Variants in ASTN2 observed in about 807,000 individuals in gnomAD.
The protein encoded by ASTN2 is astrotactin 2.
Under a neutral mutation model 139.8 loss-of-function variants are expected in ASTN2, and 54 were observed. That is an observed-to-expected ratio of 0.39 (90% confidence interval 0.31 to 0.48). The LOEUF (loss-of-function observed/expected upper bound fraction) is 0.48. Among genes scored for constraint, ASTN2 ranks in the 20% least tolerant of loss-of-function variants. The pLI, the probability that ASTN2 is intolerant of heterozygous loss-of-function variation, is 0.95. For missense variants in ASTN2, 1,565 were observed against 1,725.1 expected (o/e 0.91, Z 1.64); for synonymous variants, 756 against 719.5 (o/e 1.05, Z -0.81).
chr9:116,562,511 C>A (rs565639214), intron 19 of ASTN2, among the ~76,000 whole-genome samples: 2 of 151,378 alleles, frequency 1.3e-5, no homozygotes, highest in Admixed American at 6.6e-5. Flanking sequence ...CCTAGGCGGG[C>A]GGATCACCTG....
At chr9:117,011,421 T>C (rs943554214) in intron 6 of ASTN2, among the ~76,000 whole-genome samples, 3 of 152,172 alleles carry the variant, frequency 2.0e-5, no homozygotes, top group Non-Finnish European at 2.9e-5. Flanking sequence ...CAGGGAGAAG[T>C]GGCCATTTGT....
intron 19 of ASTN2, among the ~76,000 whole-genome samples, chr9:116,574,665 T>G (rs1853652839): frequency 6.6e-6 from 1 of 152,204 alleles, no homozygotes. Context: ...TTTTCTCCTT[T>G]CAATAAGTCA....
chr9:116,748,143 G>A (rs987992226), intron 13 of ASTN2, among the ~76,000 whole-genome samples: 1 of 152,282 alleles, frequency 6.6e-6, no homozygotes, highest in Non-Finnish European at 1.5e-5. Flanking sequence ...AACATTACTA[G>A]GCATTTTTCT....
Position 117,006,404 on chromosome 9 carries a change from A to G in ASTN2, c.1591+1688T>C, listed in dbSNP as rs1301494371. On this transcript the variant is annotated intron_variant, in intron 7 of 22. Coordinates refer to ENST00000313400, the MANE Select transcript of ASTN2 (RefSeq NM_001365068.1). ...TGTTCAGACTGAAAAATTTGGGATA[A>G]TCTTTGACTCCACTCTATTTCTTGC... 2.0e-5 allele frequency among the ~76,000 whole-genome samples: 3 copies of G among 152,252 alleles called. No homozygotes were observed. The East Asian group carries it at 5.8e-4, about 29-fold the overall frequency.
chr9:116,628,644 C>T (rs1257108147), intron 17 of ASTN2, among the ~76,000 whole-genome samples: 1 of 152,170 alleles, frequency 6.6e-6, no homozygotes, highest in East Asian at 1.9e-4. Flanking sequence ...TGATAAGATA[C>T]TGGTGTATAC....
intron 20 of ASTN2, among the ~76,000 whole-genome samples, chr9:116,465,519 G>C (rs981175968): frequency 6.6e-6 from 1 of 152,160 alleles, no homozygotes; most frequent in South Asian, 2.1e-4. Flanking sequence ...GACATAAAAG[G>C]GGGGAAGAGT....
chr9:117,398,559 C>T (rs1045134126), intron 1 of ASTN2, among the ~76,000 whole-genome samples: 1 of 152,106 alleles, frequency 6.6e-6, no homozygotes. Context: ...ATCTCTGTGC[C>T]GCCTGCAAGA....
chr9:117,094,878 G>A (rs79539558), intron 5 of ASTN2, among the ~76,000 whole-genome samples: 9 of 152,194 alleles, frequency 5.9e-5, no homozygotes, highest in Admixed American at 2.0e-4. Context: ...GGTACAGCTT[G>A]TAGATGAAAA....
chr9:117,373,204 G>T (rs1830033275), intron 1 of ASTN2, among the ~76,000 whole-genome samples: 1 of 152,146 alleles, frequency 6.6e-6, no homozygotes, highest in Non-Finnish European at 1.5e-5. Flanking sequence ...ATTTACAGAT[G>T]CAGAAATTAT....
At chr9:117,310,772 G>A (rs1178753629) in intron 1 of ASTN2, among the ~76,000 whole-genome samples, 8 of 152,060 alleles carry the variant, frequency 5.3e-5, no homozygotes, top group Admixed American at 3.3e-4. Context: ...CTACAAGCAC[G>A]CGCCACCACA....
At chr9:116,511,782 T>G (rs908592179) in intron 19 of ASTN2, among the ~76,000 whole-genome samples, 2 of 152,184 alleles carry the variant, frequency 1.3e-5, no homozygotes, top group East Asian at 3.8e-4. Context: ...TTTTCTAGTT[T>G]ATTTGCGTAG....
intron 3 of ASTN2, among the ~76,000 whole-genome samples, chr9:117,152,013 G>A (rs7874460): frequency 0.025 from 3,878 of 152,144 alleles, 161 homozygotes; most frequent in African/African-American, 0.083. Flanking sequence ...ATTATATCTC[G>A]AACTCATTAT....
At chr9:116,599,785 G>A (rs768712329) in intron 19 of ASTN2, among the ~76,000 whole-genome samples, 3 of 152,088 alleles carry the variant, frequency 2.0e-5, no homozygotes, top group African/African-American at 7.2e-5. Context: ...TCTGAGAGGG[G>A]AATTTTACCT....
At chr9:116,519,505 A>G (rs992990636) in intron 19 of ASTN2, among the ~76,000 whole-genome samples, 2 of 152,118 alleles carry the variant, frequency 1.3e-5, no homozygotes, top group African/African-American at 4.8e-5. Context: ...GGATACAGCA[A>G]AAGTGGTGCT....
rs138975157 is a variant in ASTN2, at chr9:117,083,815, T to A, written c.1276+12229A>T. Among the ~76,000 whole-genome samples, 146 of 152,184 alleles carry A rather than the reference T, an allele frequency of 9.6e-4. 1 individual carries two copies. The East Asian group carries it at 0.018, about 18-fold the overall frequency. On this transcript the variant is annotated intron_variant, in intron 5 of 22. Transcript: ENST00000313400. ...ATTTGATTCCTGACAGCCATCTCCCTCCCTTCGATGGCGGGCTGTCAGGTG... is the reference window on the plus strand; with the variant it reads ...ATTTGATTCCTGACAGCCATCTCCCACCCTTCGATGGCGGGCTGTCAGGTG...
At chr9:117,171,984 A>G (rs1830805556) in intron 3 of ASTN2, among the ~76,000 whole-genome samples, 2 of 152,204 alleles carry the variant, frequency 1.3e-5, no homozygotes, top group African/African-American at 4.8e-5. Flanking sequence ...ACATGGATGA[A>G]TCTCAAACAT....
At chr9:116,727,120 T>C (rs574762800) in intron 15 of ASTN2, among the ~76,000 whole-genome samples, 134 of 151,902 alleles carry the variant, frequency 8.8e-4, no homozygotes, top group African/African-American at 3.1e-3. Context: ...GGAAGTCACC[T>C]CTTCTCCAAG....
intron 4 of ASTN2, among the ~76,000 whole-genome samples, chr9:117,125,661 G>T (rs931877904): frequency 1.3e-5 from 2 of 152,050 alleles, no homozygotes; most frequent in African/African-American, 4.8e-5. Flanking sequence ...TCATGATGAG[G>T]GTAAGCATTA....
intron 4 of ASTN2, among the ~76,000 whole-genome samples, chr9:117,118,343 A>C (rs1829456026): frequency 6.6e-6 from 1 of 151,698 alleles, no homozygotes; most frequent in African/African-American, 2.4e-5. Context: ...AAAACATGGT[A>C]GTCATCACTG....
Sources: gnomAD v4.1 joint callset for allele counts (sites outside exome capture counted in the v4.1 genomes callset) on GRCh38, gnomAD v4.1.1 for gene constraint, MANE v1.5 for transcripts, NCBI Gene and HGNC (gene_info 2026-07-23, HGNC 2026-07-21) for gene names.